The following PTCHD4 variants were observed in gnomAD, a reference collection of about 807,000 sequenced individuals.
PTCHD4 encodes the protein patched domain containing 4, also known as patched domain-containing protein 4.
Under a neutral mutation model 58.1 loss-of-function variants are expected in PTCHD4, and 33 were observed. The observed-to-expected ratio is 0.57, with a 90% CI of 0.43 to 0.76. The LOEUF (loss-of-function observed/expected upper bound fraction) is 0.76, where lower values mean the gene tolerates loss of function less well. Ranked by LOEUF, PTCHD4 falls within the 30% of genes least tolerant of loss-of-function variation. PTCHD4 has a pLI of 0.00. For missense variants in PTCHD4, 1,058 were observed against 1,027.1 expected, an observed-to-expected ratio of 1.03 and a Z score of -0.41; for synonymous variants, 478 against 409.6, an observed-to-expected ratio of 1.17 and a Z score of -2.02.
At chr6:47,947,444 C>A (rs911203725) in intron 4 of PTCHD4, among the ~76,000 whole-genome samples, 2 of 151,516 alleles carry the variant, frequency 1.3e-5, no homozygotes, top group African/African-American at 4.8e-5. Context: ...TTTTTTTCTT[C>A]TTGAATTACA....
chr6:47,955,519 T>C (rs944806742), intron 4 of PTCHD4, among the ~76,000 whole-genome samples: 1 of 152,220 alleles, frequency 6.6e-6, no homozygotes, highest in African/African-American at 2.4e-5. Flanking sequence ...TTGACCATTA[T>C]GGTTGGTTTT....
At chr6:48,060,420 C>A (rs1764579322) in intron 3 of PTCHD4, among the ~76,000 whole-genome samples, 1 of 152,150 alleles carries the variant, frequency 6.6e-6, no homozygotes, top group Non-Finnish European at 1.5e-5. Flanking sequence ...ACTATGAGAG[C>A]CCTTTACATA....
At chr6:48,002,114 G>A (rs1218248369) in intron 4 of PTCHD4, among the ~76,000 whole-genome samples, 1 of 152,208 alleles carries the variant, frequency 6.6e-6, no homozygotes, top group African/African-American at 2.4e-5. Flanking sequence ...GGAAACAACA[G>A]GTGCTGGAGA....
rs1472264415 is a variant in PTCHD4 at position 47,875,580 on chromosome 6, A to G, written c.*2723T>C. Among the ~76,000 whole-genome samples, 4 of 151,876 alleles carry G rather than the reference A, an allele frequency of 2.6e-5. No individual in the cohort carries two copies. The highest frequency in any genetic ancestry group is 6.6e-5 in the Admixed American group (1 of 15,202). On this transcript the variant is annotated 3_prime_UTR_variant, in exon 5 of 5. Transcript: ENST00000339488. ...TCTAAAGAGTACTACGGTGTCCTGG[A>G]AAAGATAATGTTCCTTCCAAAATGC...
chr6:47,887,229 T>C (rs1458713397), intron 4 of PTCHD4, among the ~76,000 whole-genome samples: 1 of 149,412 alleles, frequency 6.7e-6, no homozygotes, highest in Non-Finnish European at 1.5e-5. Flanking sequence ...ATTTAATATA[T>C]TTTATGTAAT....
intron 3 of PTCHD4, among the ~76,000 whole-genome samples, chr6:48,044,047 A>T: frequency 6.6e-6 from 1 of 151,900 alleles, no homozygotes; most frequent in East Asian, 1.9e-4. Context: ...TACAGGACCC[A>T]GTGAAATTCT....
chr6:48,072,558 T>A (rs1764994652), intron 1 of PTCHD4, among the ~76,000 whole-genome samples: 1 of 152,196 alleles, frequency 6.6e-6, no homozygotes, highest in South Asian at 2.1e-4. Flanking sequence ...TTTGTTTTAT[T>A]GGAGAATGGT....
At chr6:47,989,681 G>A (rs1012253849) in intron 4 of PTCHD4, among the ~76,000 whole-genome samples, 3 of 152,310 alleles carry the variant, frequency 2.0e-5, no homozygotes, top group Non-Finnish European at 4.4e-5. Context: ...TTGAGGTTTG[G>A]GAGCCTCTGA....
intron 4 of PTCHD4, among the ~76,000 whole-genome samples, chr6:47,885,644 A>T (rs1215658259): frequency 6.6e-6 from 1 of 152,204 alleles, no homozygotes; most frequent in Non-Finnish European, 1.5e-5. Context: ...TCTCCAACAA[A>T]TAAAGATGAC....
chr6:47,940,417 T>G (rs190843626), intron 4 of PTCHD4, among the ~76,000 whole-genome samples: 4 of 152,196 alleles, frequency 2.6e-5, no homozygotes, highest in African/African-American at 2.4e-5. Context: ...CCTAAAAAAA[T>G]TATTTAAAAA....
chr6:47,890,215 A>T (rs2114122733), intron 4 of PTCHD4, among the ~76,000 whole-genome samples: 1 of 151,556 alleles, frequency 6.6e-6, no homozygotes, highest in East Asian at 1.9e-4. Flanking sequence ...GTTTTTATAT[A>T]TATTATATAT....
chr6:47,857,133 C>T lies in PTCHD4; in HGVS notation c.*21170G>A, dbSNP rs1482302256. Among the ~76,000 whole-genome samples, 1 of 152,042 alleles carries T rather than the reference C, an allele frequency of 6.6e-6. No homozygotes were observed. The highest frequency in any genetic ancestry group is 1.5e-5 in the Non-Finnish European group (1 of 67,992). ...CCACCTAACAAAAATTACTTATGAT[C>T]AGTGTTGCTTTACATGTTTTCAGAA... On this transcript the variant is annotated 3_prime_UTR_variant, in exon 5 of 5. Transcript: ENST00000339488.
Position 47,862,914 on chromosome 6 carries a change from A to G in PTCHD4, c.*15389T>C, listed in dbSNP as rs1417397700. 6.6e-6 allele frequency among the ~76,000 whole-genome samples: 1 copy of G among 151,912 alleles called. No individual in the cohort carries two copies. The highest frequency in any genetic ancestry group is 1.5e-5 in the Non-Finnish European group (1 of 67,880). ...TGAACATAATGACCCATGGTCAATTATATCTGGGAAATCAAATACTGTCTT... is the reference window on the plus strand; with the variant it reads ...TGAACATAATGACCCATGGTCAATTGTATCTGGGAAATCAAATACTGTCTT... On this transcript the variant is annotated 3_prime_UTR_variant, in exon 5 of 5. Transcript: ENST00000339488.
At chr6:48,037,417 C>G (rs1398220636) in intron 3 of PTCHD4, among the ~76,000 whole-genome samples, 1 of 152,124 alleles carries the variant, frequency 6.6e-6, no homozygotes, top group Non-Finnish European at 1.5e-5. Context: ...AACTACTGTA[C>G]TTAAAGTTGA....
chr6:48,095,378 ATCT>A (rs1180374432), intron 1 of PTCHD4, among the ~76,000 whole-genome samples: 2 of 152,140 alleles, frequency 1.3e-5, no homozygotes, highest in Non-Finnish European at 1.5e-5. Flanking sequence ...TTCCATAGTG[ATCT>A]TCTTTTAAAA....
chr6:48,066,588 A>T (rs1764806208), intron 3 of PTCHD4, among the ~76,000 whole-genome samples: 1 of 152,244 alleles, frequency 6.6e-6, no homozygotes, highest in African/African-American at 2.4e-5. Context: ...AATAATGTTG[A>T]TGGCAAAGGA....
At chr6:48,094,163 T>C (rs1181196271) in intron 1 of PTCHD4, among the ~76,000 whole-genome samples, 1 of 152,120 alleles carries the variant, frequency 6.6e-6, no homozygotes, top group Non-Finnish European at 1.5e-5. Context: ...GCGTTTCAGA[T>C]AAAAAGGAAT....
intron 3 of PTCHD4, among the ~76,000 whole-genome samples, chr6:48,064,516 A>G (rs942511437): frequency 6.6e-6 from 1 of 152,166 alleles, no homozygotes; most frequent in Non-Finnish European, 1.5e-5. Flanking sequence ...GCCCATTTCT[A>G]TTACTGTATA....
chr6:47,951,787 A>G (rs1362899137), intron 4 of PTCHD4, among the ~76,000 whole-genome samples: 1 of 152,164 alleles, frequency 6.6e-6, no homozygotes, highest in Non-Finnish European at 1.5e-5. Context: ...TCTGCACAAA[A>G]TAAAAATAGA....
Sources: gnomAD v4.1 joint callset for allele counts (sites outside exome capture counted in the v4.1 genomes callset) on GRCh38, gnomAD v4.1.1 for gene constraint, MANE v1.5 for transcripts, NCBI Gene and HGNC (gene_info 2026-07-23, HGNC 2026-07-21) for gene names.